Variants in CNTN5 observed in about 807,000 individuals in gnomAD.
CNTN5 encodes the protein contactin-5.
A neutral mutation model predicts 129.1 loss-of-function variants in CNTN5; 77 were observed. The ratio of observed to expected loss-of-function variants is 0.60; its 90% CI spans 0.50 to 0.72. CNTN5 has a LOEUF of 0.72. Ranked by LOEUF, CNTN5 falls within the 30% of genes least tolerant of loss-of-function variation. The probability of loss-of-function intolerance (pLI) is 0.00; values close to 1 mark genes in which losing one functional copy is unlikely to be tolerated. For synonymous variants in CNTN5, 509 were observed against 465.6 expected (o/e 1.09, Z -1.20); for missense variants, 1,478 against 1,328.8 (o/e 1.11, Z -1.75).
At chr11:100,071,063 T>C (rs1188012343) in intron 11 of CNTN5, among the ~76,000 whole-genome samples, 1 of 152,114 alleles carries the variant, frequency 6.6e-6, no homozygotes, top group African/African-American at 2.4e-5. Context: ...AAAATTTAAA[T>C]TTGTTTTTGA....
intron 1 of CNTN5, among the ~76,000 whole-genome samples, chr11:99,173,430 G>A (rs1857624113): frequency 6.6e-6 from 1 of 152,100 alleles, no homozygotes; most frequent in African/African-American, 2.4e-5. Context: ...TTACTTTAAG[G>A]AGACTTCTCT....
chr11:99,403,361 T>A (rs1941919189), intron 2 of CNTN5, among the ~76,000 whole-genome samples: 1 of 152,144 alleles, frequency 6.6e-6, no homozygotes, highest in Non-Finnish European at 1.5e-5. Flanking sequence ...TTTCATTTAT[T>A]TCTGTTCTCA....
intron 3 of CNTN5, among the ~76,000 whole-genome samples, chr11:99,631,996 T>C (rs1353955139): frequency 6.6e-6 from 1 of 152,134 alleles, no homozygotes; most frequent in Non-Finnish European, 1.5e-5. Context: ...ACTTATAAAT[T>C]AAACTTTATC....
At chr11:99,545,665 T>A (rs983793531) in intron 2 of CNTN5, among the ~76,000 whole-genome samples, 2 of 152,216 alleles carry the variant, frequency 1.3e-5, no homozygotes, top group Non-Finnish European at 2.9e-5. Context: ...ATGTGAAATA[T>A]TTATTACCTC....
At chr11:100,192,909 G>A (rs982877909) in intron 14 of CNTN5, among the ~76,000 whole-genome samples, 21 of 151,956 alleles carry the variant, frequency 1.4e-4, no homozygotes, top group Admixed American at 8.5e-4. Flanking sequence ...AAACAGGTAC[G>A]TTCTTCTGAT....
chr11:100,068,645 A>T (rs1943785890), intron 10 of CNTN5, among the ~76,000 whole-genome samples: 1 of 152,200 alleles, frequency 6.6e-6, no homozygotes, highest in Non-Finnish European at 1.5e-5. Context: ...ATGACACATA[A>T]CTACAAAGAG....
intron 1 of CNTN5, among the ~76,000 whole-genome samples, chr11:99,155,489 G>T (rs1462147989): frequency 1.3e-5 from 2 of 152,186 alleles, no homozygotes; most frequent in Non-Finnish European, 2.9e-5. Context: ...GATTCTGAAA[G>T]AAGTGATGCG....
At chr11:99,349,206 T>C (rs1467116425) in intron 2 of CNTN5, among the ~76,000 whole-genome samples, 1 of 152,144 alleles carries the variant, frequency 6.6e-6, no homozygotes, top group East Asian at 1.9e-4. Flanking sequence ...GAAAGGGCAA[T>C]ATTACAGTCA....
At chr11:99,636,231 C>T (rs972426961) in intron 3 of CNTN5, among the ~76,000 whole-genome samples, 3 of 152,020 alleles carry the variant, frequency 2.0e-5, no homozygotes, top group African/African-American at 7.2e-5. Flanking sequence ...ATTTTCAGTA[C>T]TATAGTTATA....
At chr11:99,972,749 A>G (rs1463480722) in intron 8 of CNTN5, among the ~76,000 whole-genome samples, 1 of 152,150 alleles carries the variant, frequency 6.6e-6, no homozygotes, top group Admixed American at 6.5e-5. Context: ...AGAGAGGGCC[A>G]TCTTGTTTGT....
At chr11:99,323,933 G>A (rs547047682) in intron 1 of CNTN5, among the ~76,000 whole-genome samples, 1 of 152,246 alleles carries the variant, frequency 6.6e-6, no homozygotes, top group Admixed American at 6.5e-5. Context: ...CAGAGGAAGA[G>A]ACAGAGGGAG....
At chr11:99,236,454 A>G (rs1268759576) in intron 1 of CNTN5, among the ~76,000 whole-genome samples, 1 of 98,130 alleles carries the variant, frequency 1.0e-5, no homozygotes, top group Non-Finnish European at 2.1e-5. Context: ...AACATTCTAC[A>G]CACACTCACA....
At chr11:100,113,095 T>C (rs1025298615) in intron 13 of CNTN5, among the ~76,000 whole-genome samples, 12 of 151,766 alleles carry the variant, frequency 7.9e-5, no homozygotes, top group African/African-American at 2.9e-4. Context: ...AGTCAAATCT[T>C]AGTCTCTCTT....
At chr11:99,673,950 T>C (rs1565413496) in intron 3 of CNTN5, among the ~76,000 whole-genome samples, 1 of 152,182 alleles carries the variant, frequency 6.6e-6, no homozygotes, top group Non-Finnish European at 1.5e-5. Context: ...TAGAACAATT[T>C]ATATTCCTTT....
intron 4 of CNTN5, among the ~76,000 whole-genome samples, chr11:99,820,388 G>A (rs373919035): frequency 2.9e-4 from 44 of 152,380 alleles, no homozygotes; most frequent in African/African-American, 8.7e-4. Context: ...AAGAGAGCAC[G>A]CAAAGATAAG....
chr11:99,348,783 C>G (rs911720425), intron 2 of CNTN5, among the ~76,000 whole-genome samples: 23 of 152,254 alleles, frequency 1.5e-4, no homozygotes, highest in Middle Eastern at 3.4e-3. Context: ...TAAATCATTA[C>G]TTTTAGCTTT....
chr11:99,809,126 G>A (rs754385604), intron 3 of CNTN5, among the ~76,000 whole-genome samples: 27 of 152,038 alleles, frequency 1.8e-4, no homozygotes, highest in Non-Finnish European at 3.1e-4. Flanking sequence ...CCAGGCCCGG[G>A]AAAAATTTTT....
At chr11:99,700,373 C>T (rs78403783) in intron 3 of CNTN5, among the ~76,000 whole-genome samples, 1,781 of 151,350 alleles carry the variant, frequency 0.012, 20 homozygotes, top group Non-Finnish European at 0.019. Context: ...AAATATAAAA[C>T]GCATTTAGGG....
intron 9 of CNTN5, among the ~76,000 whole-genome samples, chr11:100,054,259 T>C (rs1321548308): frequency 6.6e-6 from 1 of 151,726 alleles, no homozygotes; most frequent in African/African-American, 2.4e-5. Flanking sequence ...GACTCCATTT[T>C]CTAATGGTAA....
Sources: allele counts gnomAD v4.1 joint callset (sites outside exome capture counted in the v4.1 genomes callset), GRCh38; gene constraint gnomAD v4.1.1; transcripts MANE v1.5; gene names NCBI Gene and HGNC (gene_info 2026-07-23, HGNC 2026-07-21).